Variants in CLOCK observed in about 807,000 individuals in gnomAD.
CLOCK encodes the protein clock circadian regulator.
CLOCK carries 43 observed loss-of-function variants against 118.4 expected under a neutral mutation model. That is an observed-to-expected ratio of 0.36 (90% CI 0.28 to 0.47). The LOEUF is 0.47. CLOCK is among the 20% of genes least tolerant of loss of function. The pLI, the probability that CLOCK is intolerant of heterozygous loss-of-function variation, is 1.00. For synonymous variants in CLOCK, 326 were observed against 339.2 expected (o/e 0.96, Z 0.43); for missense variants, 846 against 999.9 (o/e 0.85, Z 2.08).
At chr4:55,468,915 A>C (rs1057070119) in intron 8 of CLOCK, among the ~76,000 whole-genome samples, 3 of 152,134 alleles carry the variant, frequency 2.0e-5, no homozygotes, top group East Asian at 3.9e-4. Context: ...TAGTGATGTC[A>C]TATCTGTTGT....
chr4:55,462,130 A>T (rs1362795034), intron 9 of CLOCK, among the ~76,000 whole-genome samples: 1 of 152,192 alleles, frequency 6.6e-6, no homozygotes, highest in Non-Finnish European at 1.5e-5. Context: ...TTTCTTAAGT[A>T]TTCTTGCCAT....
rs146646593 is a variant in CLOCK, at chr4:55,450,930, A to G, written c.1207-698T>C. 6.5e-3 allele frequency among the ~76,000 whole-genome samples: 996 copies of G among 152,218 alleles called. 17 individuals are homozygous for G. Among genetic ancestry groups the G allele is most frequent in the African/African-American group, 0.022 (926 of 41,520 alleles). ...AGAGAATTGCTTAAGCCCAGGAGCTAGAGTTTCATAGTTTCATACAGCGAC... is the reference window on the plus strand; with the variant it reads ...AGAGAATTGCTTAAGCCCAGGAGCTGGAGTTTCATAGTTTCATACAGCGAC... On this transcript the variant is annotated intron_variant, in intron 15 of 22. Transcript: ENST00000513440.
chr4:55,441,810 G>T (rs1312681942), intron 21 of CLOCK, among the ~76,000 whole-genome samples: 1 of 152,182 alleles, frequency 6.6e-6, no homozygotes, highest in Admixed American at 6.5e-5. Context: ...ATAAGTTATA[G>T]ATGGTTGTTT....
intron 2 of CLOCK, among the ~76,000 whole-genome samples, chr4:55,503,096 CCTAAAG>C (rs1728541375): frequency 6.6e-6 from 1 of 152,210 alleles, no homozygotes; most frequent in South Asian, 2.1e-4. Flanking sequence ...AGGATAATCT[CCTAAAG>C]CTAAACAGCC....
At chr4:55,509,374 C>G (rs1370427927) in intron 2 of CLOCK, among the ~76,000 whole-genome samples, 2 of 152,176 alleles carry the variant, frequency 1.3e-5, no homozygotes, top group African/African-American at 4.8e-5. Flanking sequence ...TCACGTGTCA[C>G]AAGTTAGTCT....
intron 1 of CLOCK, chr4:55,545,675 T>C (rs1731566784): frequency 6.6e-6 from 1 of 152,208 alleles, no homozygotes; most frequent in African/African-American, 2.4e-5. Context: ...TAGGCTCACC[T>C]ACCATCAACA....
At chr4:55,499,606 C>A (rs1417886718) in intron 2 of CLOCK, among the ~76,000 whole-genome samples, 1 of 152,250 alleles carries the variant, frequency 6.6e-6, no homozygotes, top group Non-Finnish European at 1.5e-5. Flanking sequence ...CGCTAATGCT[C>A]ACTAGCCAGT....
intron 3 of CLOCK, among the ~76,000 whole-genome samples, chr4:55,483,541 G>A (rs1235173679): frequency 6.6e-6 from 1 of 152,138 alleles, no homozygotes; most frequent in Admixed American, 6.6e-5. Flanking sequence ...AGGGCTCCAC[G>A]TGATAATGTA....
chr4:55,530,214 G>T (rs1337256018), intron 1 of CLOCK, among the ~76,000 whole-genome samples: 2 of 151,652 alleles, frequency 1.3e-5, no homozygotes, highest in Non-Finnish European at 2.9e-5. Context: ...GAAGGACAAA[G>T]ATAAGATACT....
At chr4:55,546,491 T>C (rs1560493315) in intron 1 of CLOCK, 1 of 147,466 alleles carries the variant, frequency 6.8e-6, no homozygotes, top group South Asian at 2.2e-4. Context: ...CCGTGTGGCT[T>C]GCGGCGGCTC....
rs1724896845 is a variant in CLOCK, at chr4:55,456,012, C to A, written c.876-9G>T. On this transcript the variant is annotated splice_polypyrimidine_tract_variant and intron_variant, in intron 12 of 22. Coordinates refer to ENST00000513440, the MANE Select transcript of CLOCK (RefSeq NM_004898.4). Reference sequence around the variant, plus strand: ...CTATTATGGGTGGTGCCCTAAATTACACAGAAAACAATCATTATTATAAGT... The same window carrying A: ...CTATTATGGGTGGTGCCCTAAATTAAACAGAAAACAATCATTATTATAAGT... The A allele has an allele frequency of 6.3e-7, 1 of 1,594,496 alleles. No homozygotes were observed. The highest frequency in any genetic ancestry group is 8.6e-7 in the Non-Finnish European group (1 of 1,163,804).
intron 2 of CLOCK, among the ~76,000 whole-genome samples, chr4:55,498,329 A>G (rs1182560431): frequency 6.6e-6 from 1 of 152,198 alleles, no homozygotes; most frequent in Non-Finnish European, 1.5e-5. Context: ...TGTGTAGCCA[A>G]GTAGGCCCGG....
intron 7 of CLOCK, among the ~76,000 whole-genome samples, chr4:55,473,650 G>A (rs1310304178): frequency 6.6e-6 from 1 of 152,034 alleles, no homozygotes; most frequent in Non-Finnish European, 1.5e-5. Flanking sequence ...CAGTTACTGG[G>A]TTTTGTTTTG....
At chr4:55,503,591 T>C (rs1728571760) in intron 2 of CLOCK, among the ~76,000 whole-genome samples, 1 of 152,182 alleles carries the variant, frequency 6.6e-6, no homozygotes, top group Admixed American at 6.5e-5. Context: ...TGTGTTATAA[T>C]TTGATGAAAG....
intron 6 of CLOCK, among the ~76,000 whole-genome samples, chr4:55,478,575 C>T (rs939926173): frequency 2.6e-5 from 4 of 152,104 alleles, no homozygotes. Context: ...GTTTGTCTGC[C>T]CTGGCTTGAC....
intron 6 of CLOCK, among the ~76,000 whole-genome samples, chr4:55,478,424 T>C (rs17085803): frequency 6.6e-6 from 1 of 152,162 alleles, no homozygotes; most frequent in African/African-American, 2.4e-5. Context: ...ATTCCCTTTG[T>C]GTGACATGCT....
At chr4:55,473,736 T>C (rs1373537099) in intron 7 of CLOCK, among the ~76,000 whole-genome samples, 3 of 152,188 alleles carry the variant, frequency 2.0e-5, no homozygotes, top group Non-Finnish European at 4.4e-5. Context: ...TTTTTTTTAA[T>C]AGTATGTGTT....
chr4:55,452,886 G>C (rs1432290214), intron 15 of CLOCK, 168 bp downstream of exon 15: 2 of 530,090 alleles, frequency 3.8e-6, no homozygotes, highest in Admixed American at 6.6e-5. Context: ...AGAGGCAGGT[G>C]AGACTCTAAA....
rs562523204 is a variant in CLOCK at position 55,508,705 on chromosome 4, G to A, written c.-136+1207C>T. 4.6e-5 allele frequency among the ~76,000 whole-genome samples: 7 copies of A among 151,584 alleles called. No homozygotes were observed. The South Asian group carries it at 1.5e-3, about 32-fold the overall frequency. On this transcript the variant is annotated intron_variant, in intron 2 of 22. Transcript: ENST00000513440. ...ACTCCCGGGTTCACGCCATTCTTCT[G>A]CCTCAGCCTCCTGAGTAGCTGGGAC...
Sources: allele counts gnomAD v4.1 joint callset (sites outside exome capture counted in the v4.1 genomes callset), GRCh38; gene constraint gnomAD v4.1.1; transcripts MANE v1.5; gene names NCBI Gene and HGNC (gene_info 2026-07-23, HGNC 2026-07-21).